Variants in MUS81 observed in about 807,000 individuals in gnomAD.
The protein encoded by MUS81 is MUS81 structure-specific endonuclease subunit, also known as structure-specific endonuclease subunit MUS81.
In MUS81, 69 loss-of-function variants were observed where a neutral mutation model predicts 74.2. The observed-to-expected ratio is 0.93, with a 90% CI of 0.77 to 1.14. The LOEUF (loss-of-function observed/expected upper bound fraction) is 1.14, where lower values mean the gene tolerates loss of function less well. Among genes scored for constraint, MUS81 ranks in the 50% most tolerant of loss-of-function variants. The probability of loss-of-function intolerance (pLI) is 0.00; values close to 1 mark genes in which losing one functional copy is unlikely to be tolerated. For missense variants in MUS81, 711 were observed against 726.5 expected (o/e 0.98, Z 0.25); for synonymous variants, 303 against 300.6 (o/e 1.01, Z -0.08).
In MUS81 at chr11:65,862,209, A is replaced by G. The variant is rs763323790; in HGVS notation, c.451-2A>G. ...ACCCTGTCTTTTCTACCTTGGTTTC[A>G]GAATCCTAATGGTCACCACTTCTTA... On this transcript the variant is annotated splice_acceptor_variant, in intron 4 of 15. Coordinates refer to ENST00000308110, the MANE Select transcript of MUS81 (RefSeq NM_025128.5). LOFTEE classifies it high-confidence loss of function. The G allele has an allele frequency of 1.9e-6, 3 of 1,613,534 alleles. No individual in the cohort carries two copies. In the South Asian group the frequency reaches 3.3e-5, roughly 18 times the overall value.
Position 65,860,534 on chromosome 11 carries a change from C to A in MUS81, c.-220C>A. 1.6e-6 allele frequency: 1 copy of A among 622,712 alleles called. No homozygotes were observed. 38.6% of individuals were successfully genotyped at this position (622,712 alleles called of 1,614,324 possible). On this transcript the variant is annotated 5_prime_UTR_variant, in exon 1 of 16. It adds an upstream start codon to the 5' untranslated region. Coordinates refer to ENST00000308110, the MANE Select transcript of MUS81 (RefSeq NM_025128.5). ...GAAAAGATCGTTAGAGACAGCGCCC[C>A]TGACCAACCACTTAGAGCAGCGCAG...
In MUS81 at chr11:65,861,105, G is replaced by T; in HGVS notation, c.265+3G>T. 1 of 1,612,286 alleles carries T rather than the reference G, an allele frequency of 6.2e-7. No individual in the cohort carries two copies. The highest frequency in any genetic ancestry group is 8.5e-7 in the Non-Finnish European group (1 of 1,179,914). On this transcript the variant is annotated splice_donor_region_variant and intron_variant, in intron 2 of 15. Coordinates refer to ENST00000308110, the MANE Select transcript of MUS81 (RefSeq NM_025128.5). ...GCAGCGGCACCGAACATCGGGCGGT[G>T]AGCGCCTCGGAAAGGGGTCGGTGAT... is the stretch of plus-strand genomic sequence containing the variant.
At chr11:65,867,590 C>T (rs1859876866), downstream of MUS81, 2 of 526,340 alleles carry the variant, frequency 3.8e-6, no homozygotes, top group East Asian at 3.5e-5. Flanking sequence ...CTGCACACGC[C>T]ATTCCCTTGG....
chr11:65,861,464 CA>C (rs1286454274), intron 3 of MUS81, 29 bp downstream of exon 3: 1 of 1,563,182 alleles, frequency 6.4e-7, no homozygotes, highest in South Asian at 1.2e-5. Flanking sequence ...GAGTGGAAGG[CA>C]AAGTGGGAGT....
downstream of MUS81, chr11:65,867,120 C>T (rs1282444588): frequency 1.2e-6 from 2 of 1,612,158 alleles, no homozygotes; most frequent in Non-Finnish European, 8.5e-7. Context: ...ATTGTGTCAG[C>T]CTGTGTGCTA....
downstream of MUS81, chr11:65,867,044 G>T: frequency 6.2e-7 from 1 of 1,614,180 alleles, no homozygotes. Context: ...TCACCGGCCG[G>T]GCGAGGACCA....
chr11:65,867,604 G>C, downstream of MUS81: 1 of 534,942 alleles, frequency 1.9e-6, no homozygotes, highest in Non-Finnish European at 3.4e-6. Flanking sequence ...CCCTTGGTTT[G>C]TGGGTGAAGA....
At position 65,860,648 on chromosome 11, in the gene MUS81, C is replaced by G. The variant is rs1283676795; in HGVS notation, c.-106C>G. On this transcript the variant is annotated 5_prime_UTR_variant, in exon 1 of 16. Transcript: ENST00000308110. ...CTCAACGGTCCTGCCCTCGGTCTCC[C>G]TCTTCCCCCGCCCCGCCCTGGGCCA... The G allele has an allele frequency of 6.0e-6, 9 of 1,488,644 alleles. No individual in the cohort carries two copies. The highest frequency in any genetic ancestry group is 8.1e-6 in the Non-Finnish European group (9 of 1,107,346). The allele number at this position is 1,488,644 out of a possible 1,614,324, so 92.2% of individuals were successfully genotyped here.
At position 65,864,792 on chromosome 11, in the gene MUS81, C is replaced by T. The variant is rs761819988; in HGVS notation, c.1249C>T (p.Arg417Trp). ...AGCCGCCTACCTGGCCCTCTTGACG[C>T]GGGGCCTGCAGAGACTCTACCAGGT... ...ESAAYLALLTRGLQRLYQGHT... is the reference protein window; with the variant it reads ...ESAAYLALLTWGLQRLYQGHT... Residue 417 changes from arginine to tryptophan, a missense_variant, in exon 12 of 16, where the codon CGG becomes TGG. Coordinates refer to ENST00000308110, the MANE Select transcript of MUS81 (RefSeq NM_025128.5). 34 of 1,613,220 alleles carry T rather than the reference C, an allele frequency of 2.1e-5. No individual in the cohort carries two copies. The highest frequency in any genetic ancestry group is 1.4e-4 in the South Asian group (13 of 91,084).
At chr11:65,860,288 G>T (rs761897563), upstream of MUS81, 1 of 458,232 alleles carries the variant, frequency 2.2e-6, no homozygotes, top group African/African-American at 2.0e-5. Flanking sequence ...CAAGCTTGAG[G>T]CTGAAGCTGA....
Position 65,865,982 on chromosome 11 carries a change from G to A in MUS81, c.1590-4G>A, listed in dbSNP as rs75214927. On this transcript the variant is annotated splice_region_variant and splice_polypyrimidine_tract_variant and intron_variant, in intron 15 of 15. Transcript: ENST00000308110. ...CGTGACCCTCGCTGCCTCTCTTCCT[G>A]CAGGAATCTGGGGCCTGCTCTGAGC... 7.9e-5 allele frequency: 128 copies of A among 1,613,994 alleles called. No homozygotes were observed. The African/African-American group carries it at 1.5e-3, about 19-fold the overall frequency.
chr11:65,865,232 C>T lies in MUS81; in HGVS notation c.1414C>T (p.Arg472Ter), dbSNP rs771900946. The change falls in exon 14 of 16, where the codon CGA (arginine) becomes TGA (stop). Residue 472 changes from arginine to a stop codon, truncating the protein, a stop_gained. Coordinates refer to ENST00000308110, the MANE Select transcript of MUS81 (RefSeq NM_025128.5). LOFTEE classifies it high-confidence loss of function. Reference sequence around the variant, plus strand: ...TTCCCGAACCCAGGCCCAGTCGGTGCGAGAAGTGTTTGCCCGGCAGCTGAT... The same window carrying T: ...TTCCCGAACCCAGGCCCAGTCGGTGTGAGAAGTGTTTGCCCGGCAGCTGAT... The part of the protein sequence containing the change: ...GAIKNKAQSV[R>*]EVFARQLMQV... 2.5e-6 allele frequency: 4 copies of T among 1,614,112 alleles called. No homozygotes were observed. The highest frequency in any genetic ancestry group is 2.7e-5 in the African/African-American group (2 of 75,036).
At chr11:65,867,595 C>T, downstream of MUS81, 1 of 530,602 alleles carries the variant, frequency 1.9e-6, no homozygotes, top group Non-Finnish European at 3.4e-6. Context: ...CACGCCATTC[C>T]CTTGGTTTGT....
In MUS81 at chr11:65,862,005, G is replaced by A; in HGVS notation, c.410G>A (p.Gly137Glu). The A allele has an allele frequency of 6.2e-7, 1 of 1,611,026 alleles. No homozygotes were observed. Among genetic ancestry groups the A allele is most frequent in the East Asian group, 2.2e-5 (1 of 44,786 alleles). ...AGCTACTGGCCAGCTCGGCACTCAG[G>A]AGCCCGAGTGATACTGCTGGTGCTC... ...SGSYWPARHS[G>E]ARVILLVLYR... is the part of the protein sequence containing the mutation. The change falls in exon 4 of 16, where the codon GGA becomes GAA. Residue 137 changes from glycine to glutamate, a missense_variant. By Grantham distance (98) the Gly-to-Glu change is moderately conservative. Coordinates refer to ENST00000308110, the MANE Select transcript of MUS81 (RefSeq NM_025128.5).
At chr11:65,867,134 C>T, downstream of MUS81, 1 of 1,607,540 alleles carries the variant, frequency 6.2e-7, no homozygotes, top group Non-Finnish European at 8.5e-7. Context: ...TGTGCTAGGC[C>T]CCTGCCCCAG....
chr11:65,866,669 CGTG>C, downstream of MUS81: 1 of 704,536 alleles, frequency 1.4e-6, no homozygotes, highest in Non-Finnish European at 2.6e-6. Flanking sequence ...GACTGAAGCT[CGTG>C]GTGCAGAGCT....
At chr11:65,867,074 G>C, downstream of MUS81, 1 of 1,614,078 alleles carries the variant, frequency 6.2e-7, no homozygotes, top group Non-Finnish European at 8.5e-7. Context: ...TGACGTTGTT[G>C]ATTTGCTGCA....
chr11:65,865,368 A>C, intron 14 of MUS81, 45 bp downstream of exon 14: 1 of 1,561,090 alleles, frequency 6.4e-7, no homozygotes, highest in South Asian at 1.1e-5. Context: ...CCTGCCCTCC[A>C]TGCATGGAAT....
chr11:65,864,877 G>C, intron 12 of MUS81, 62 bp downstream of exon 12: 2 of 1,582,812 alleles, frequency 1.3e-6, no homozygotes. Context: ...CCTTGCCTGG[G>C]CCCTGTGCAT....
Sources: gnomAD v4.1 joint callset for allele counts on GRCh38, gnomAD v4.1.1 for gene constraint, MANE v1.5 for transcripts, NCBI Gene and HGNC (gene_info 2026-07-23, HGNC 2026-07-21) for gene names.